PPM1E: variants seen among roughly 807,000 people sequenced by gnomAD.
PPM1E encodes protein phosphatase 1E.
PPM1E carries 20 observed loss-of-function variants against 65.9 expected under a neutral mutation model. The ratio of observed to expected loss-of-function variants is 0.30; its 90% CI spans 0.21 to 0.44. The LOEUF (loss-of-function observed/expected upper bound fraction) is 0.44. Ranked by LOEUF, PPM1E falls within the 20% of genes least tolerant of loss-of-function variation. PPM1E has a pLI of 1.00. For synonymous variants in PPM1E, 352 were observed against 374.9 expected, an observed-to-expected ratio of 0.94 and a Z score of 0.70; for missense variants, 713 against 953.1, an observed-to-expected ratio of 0.75 and a Z score of 3.32.
intron 1 of PPM1E, among the ~76,000 whole-genome samples, chr17:58,791,408 C>T (rs1270647893): frequency 4.6e-5 from 7 of 152,150 alleles, no homozygotes; most frequent in Non-Finnish European, 1.0e-4. Context: ...CTGCTCAACT[C>T]TGCATTTGGT....
intron 1 of PPM1E, chr17:58,835,955 T>C (rs2050651803): frequency 6.6e-6 from 1 of 152,216 alleles, no homozygotes; most frequent in South Asian, 2.1e-4. Context: ...GTATGGTCCC[T>C]GCACAAGGAT....
chr17:58,862,752 T>G (rs1438938392), intron 1 of PPM1E, among the ~76,000 whole-genome samples: 1 of 152,194 alleles, frequency 6.6e-6, no homozygotes, highest in Non-Finnish European at 1.5e-5. Context: ...AAGTAATCAT[T>G]TTATTAGGGC....
chr17:58,967,823 C>T (rs12948039), intron 3 of PPM1E, among the ~76,000 whole-genome samples: 83,348 of 146,740 alleles, frequency 0.57, 23,716 homozygotes, highest in Non-Finnish European at 0.61. Context: ...TTTTTTGAAA[C>T]GGAGTCTCGC....
intron 1 of PPM1E, among the ~76,000 whole-genome samples, chr17:58,865,842 A>C (rs556676156): frequency 2.0e-4 from 31 of 152,352 alleles, no homozygotes; most frequent in African/African-American, 7.5e-4. Context: ...GCACTTTCAA[A>C]GGCATGATTG....
At chr17:58,762,210 T>C (rs1347891692) in intron 1 of PPM1E, among the ~76,000 whole-genome samples, 2 of 152,178 alleles carry the variant, frequency 1.3e-5, no homozygotes, top group East Asian at 3.8e-4. Flanking sequence ...AAAGTTCCTG[T>C]GAAGATGGCT....
intron 4 of PPM1E, among the ~76,000 whole-genome samples, chr17:58,970,513 T>G (rs1489714015): frequency 6.6e-6 from 1 of 152,156 alleles, no homozygotes; most frequent in Non-Finnish European, 1.5e-5. Flanking sequence ...GACTTAAACA[T>G]TAACTCTTTT....
chr17:58,835,809 C>T, intron 1 of PPM1E: 1 of 152,244 alleles, frequency 6.6e-6, no homozygotes, highest in Non-Finnish European at 1.5e-5. Context: ...TTTGAGGCTG[C>T]AGTGAGCTAT....
chr17:58,959,642 C>A, intron 2 of PPM1E, among the ~76,000 whole-genome samples: 1 of 139,114 alleles, frequency 7.2e-6, no homozygotes, highest in African/African-American at 2.7e-5. Context: ...GCTGGGATTA[C>A]AGGCGTGAGC....
chr17:58,898,724 G>A (rs1249276357), intron 1 of PPM1E, among the ~76,000 whole-genome samples: 4 of 152,088 alleles, frequency 2.6e-5, no homozygotes, highest in African/African-American at 4.8e-5. Flanking sequence ...GTTTATTGCG[G>A]CACTATTCAC....
At chr17:58,766,605 AT>A (rs2049882021) in intron 1 of PPM1E, among the ~76,000 whole-genome samples, 1 of 102,242 alleles carries the variant, frequency 9.8e-6, no homozygotes, top group East Asian at 4.7e-4. Flanking sequence ...ATGTGTGTGT[AT>A]ACACACACAC....
intron 1 of PPM1E, among the ~76,000 whole-genome samples, chr17:58,828,655 G>A (rs967645294): frequency 5.9e-5 from 9 of 152,066 alleles, no homozygotes; most frequent in Non-Finnish European, 1.2e-4. Flanking sequence ...ATAGAGACAG[G>A]GTTTCTCCAT....
At chr17:58,777,404 G>T (rs1290645589) in intron 1 of PPM1E, among the ~76,000 whole-genome samples, 1 of 152,132 alleles carries the variant, frequency 6.6e-6, no homozygotes, top group African/African-American at 2.4e-5. Flanking sequence ...CAGGAGAAAA[G>T]ATTTCTTGAA....
intron 1 of PPM1E, among the ~76,000 whole-genome samples, chr17:58,860,601 C>G (rs1205378715): frequency 6.6e-6 from 1 of 152,136 alleles, no homozygotes; most frequent in African/African-American, 2.4e-5. Flanking sequence ...TCTCATTTTT[C>G]AGTTGACAAC....
intron 1 of PPM1E, among the ~76,000 whole-genome samples, chr17:58,816,741 AATATATATAT>A (rs67568496): frequency 0.014 from 1,214 of 84,928 alleles, 11 homozygotes; most frequent in East Asian, 0.019. Flanking sequence ...TCAGAATATA[AATATATATAT>A]ATATATATAT....
intron 5 of PPM1E, among the ~76,000 whole-genome samples, chr17:58,972,560 A>G (rs2030709492): frequency 1.3e-5 from 2 of 152,160 alleles, no homozygotes; most frequent in African/African-American, 4.8e-5. Flanking sequence ...CATGTTGGCC[A>G]GGCTGGTCTT....
At chr17:58,760,323 T>C (rs1056668880) in intron 1 of PPM1E, among the ~76,000 whole-genome samples, 2 of 152,184 alleles carry the variant, frequency 1.3e-5, no homozygotes, top group Non-Finnish European at 2.9e-5. Context: ...CAGATTAAAC[T>C]GTCTAAAACA....
At position 58,756,342 on chromosome 17, in the gene PPM1E, G is replaced by A; in HGVS notation, c.345G>A (p.Pro115=). The A allele has an allele frequency of 1.0e-5, 14 of 1,383,818 alleles. No homozygotes were observed. The highest frequency in any genetic ancestry group is 1.3e-5 in the Non-Finnish European group (14 of 1,072,612). 85.7% of individuals were successfully genotyped at this position (1,383,818 alleles called of 1,614,324 possible). Residue 115 remains proline (P), a synonymous_variant, in exon 1 of 7, where the codon CCG becomes CCA. Transcript: ENST00000308249. Reference sequence around the variant, plus strand: ...CAGCCCCGGGGCACTCGGCCGTGCCGCCGCCGCCGCCCCAGCTGCCGCCTT... The same window carrying A: ...CAGCCCCGGGGCACTCGGCCGTGCCACCGCCGCCGCCCCAGCTGCCGCCTT... ...AAAAPGHSAV[P]PPPPQLPPLP... is the part of the protein sequence containing the mutation.
chr17:58,830,433 G>A (rs1450995350), intron 1 of PPM1E, among the ~76,000 whole-genome samples: 2 of 150,908 alleles, frequency 1.3e-5, no homozygotes, highest in East Asian at 2.0e-4. Context: ...TCAGCCTCCC[G>A]AGTAGCTGGG....
rs1262486122 is a variant in PPM1E, at chr17:58,955,545, T to C, written c.465-104T>C. 3 of 1,259,200 alleles carry C rather than the reference T, an allele frequency of 2.4e-6. No individual in the cohort carries two copies. The Admixed American group carries it at 5.6e-5, about 23-fold the overall frequency. 78.0% of individuals were successfully genotyped at this position (1,259,200 alleles called of 1,614,324 possible). A position where few individuals can be genotyped will look rare whatever the true frequency, so the allele number is the denominator to read the frequency against. On this transcript the variant is annotated intron_variant, in intron 1 of 6. Transcript: ENST00000308249. ...TTGAATATTGTTTAAAGGTATAATTTTGTTTTGAGACAATGTTATAATTAA... is the reference window on the plus strand; with the variant it reads ...TTGAATATTGTTTAAAGGTATAATTCTGTTTTGAGACAATGTTATAATTAA...
Sources: gnomAD v4.1 joint callset for allele counts (sites outside exome capture counted in the v4.1 genomes callset) on GRCh38, gnomAD v4.1.1 for gene constraint, MANE v1.5 for transcripts, NCBI Gene and HGNC (gene_info 2026-07-23, HGNC 2026-07-21) for gene names.